Variants in FHIT observed in about 807,000 individuals in gnomAD.
FHIT encodes the protein bis(5'-adenosyl)-triphosphatase.
A neutral mutation model predicts 17.9 loss-of-function variants in FHIT; 19 were observed. That is an observed-to-expected ratio of 1.06 (90% CI 0.74 to 1.56). FHIT has a LOEUF of 1.56. Among genes scored for constraint, FHIT ranks in the 40% most tolerant of loss-of-function variants. The probability of loss-of-function intolerance (pLI) is 0.00; values close to 1 mark genes in which losing one functional copy is unlikely to be tolerated. For missense variants in FHIT, 248 were observed against 189.2 expected (o/e 1.31, Z -1.82); for synonymous variants, 81 against 69.7 (o/e 1.16, Z -0.81).
intron 4 of FHIT, among the ~76,000 whole-genome samples, chr3:60,595,322 C>T (rs902077604): frequency 6.6e-6 from 1 of 150,636 alleles, no homozygotes; most frequent in Non-Finnish European, 1.5e-5. Flanking sequence ...AGCGAAACAT[C>T]AGTAGGCAGA....
chr3:60,926,816 A>G (rs1553770078), intron 3 of FHIT, among the ~76,000 whole-genome samples: 1 of 152,228 alleles, frequency 6.6e-6, no homozygotes, highest in African/African-American at 2.4e-5. Context: ...AGCAAGACTA[A>G]TAAAGAAGAA....
At chr3:60,814,803 G>A (rs189468022) in intron 4 of FHIT, among the ~76,000 whole-genome samples, 56 of 151,972 alleles carry the variant, frequency 3.7e-4, no homozygotes, top group East Asian at 9.7e-4. Flanking sequence ...CACAGTGGCC[G>A]AACTAATTTA....
intron 5 of FHIT, among the ~76,000 whole-genome samples, chr3:60,195,230 T>C (rs1341705965): frequency 6.6e-6 from 1 of 151,900 alleles, no homozygotes; most frequent in Non-Finnish European, 1.5e-5. Flanking sequence ...CCCTCCAGAA[T>C]GGTCATTATT....
At chr3:60,090,319 G>A (rs1703676874) in intron 5 of FHIT, among the ~76,000 whole-genome samples, 2 of 152,132 alleles carry the variant, frequency 1.3e-5, no homozygotes, top group Admixed American at 6.5e-5. Context: ...CCCATCACTG[G>A]AGAAATTACT....
intron 4 of FHIT, among the ~76,000 whole-genome samples, chr3:60,616,140 T>C (rs1553675806): frequency 6.6e-6 from 1 of 152,224 alleles, no homozygotes; most frequent in African/African-American, 2.4e-5. Flanking sequence ...TCTGTGCATG[T>C]TGAGTCCAAC....
At chr3:59,937,682 C>T (rs1013292246) in intron 7 of FHIT, among the ~76,000 whole-genome samples, 1 of 152,142 alleles carries the variant, frequency 6.6e-6, no homozygotes, top group African/African-American at 2.4e-5. Flanking sequence ...ACTACAAAAT[C>T]TTTCAAAGGA....
chr3:60,052,199 A>G lies in FHIT; in HGVS notation c.104-38047T>C, dbSNP rs562928996. Among the ~76,000 whole-genome samples the G allele has an allele frequency of 3.8e-4, 58 of 152,252 alleles. 1 individual carries two copies. The highest frequency in any genetic ancestry group is 1.3e-3 in the African/African-American group (56 of 41,546). On this transcript the variant is annotated intron_variant, in intron 5 of 9. Transcript: ENST00000492590. ...TCTAGGGGTCACAGTCTATAATCCC[A>G]TAAGAACCAAGAACACCAGAAATAA...
intron 5 of FHIT, among the ~76,000 whole-genome samples, chr3:60,223,186 C>T (rs1177134042): frequency 6.6e-6 from 1 of 152,168 alleles, no homozygotes; most frequent in East Asian, 1.9e-4. Flanking sequence ...TGGAGGGCTC[C>T]TAACTTTTAC....
At position 59,899,926 on chromosome 3, in the gene FHIT, A is replaced by C. The variant is rs1000274863; in HGVS notation, c.348+22420T>G. Reference sequence around the variant, plus strand: ...CCAGGAGTTGGCAAACGTTTTCTATAAAGGTCCAGATACTAAATATTTTAG... The same window carrying C: ...CCAGGAGTTGGCAAACGTTTTCTATCAAGGTCCAGATACTAAATATTTTAG... On this transcript the variant is annotated intron_variant, in intron 8 of 9. Transcript: ENST00000492590. Among the ~76,000 whole-genome samples, 8 of 152,220 alleles carry C rather than the reference A, an allele frequency of 5.3e-5. No individual in the cohort carries two copies. In the South Asian group the frequency reaches 1.7e-3, roughly 32 times the overall value.
At chr3:60,625,231 T>A (rs114789250) in intron 4 of FHIT, among the ~76,000 whole-genome samples, 3,568 of 152,320 alleles carry the variant, frequency 0.023, 152 homozygotes, top group African/African-American at 0.081. Flanking sequence ...TTTAGCAAAT[T>A]TAATGTTGCT....
At chr3:60,063,695 C>G (rs212005) in intron 5 of FHIT, among the ~76,000 whole-genome samples, 5,967 of 152,254 alleles carry the variant, frequency 0.039, 172 homozygotes, top group South Asian at 0.093. Flanking sequence ...ATGGCAAATT[C>G]ACAAACCCTT....
At chr3:60,658,389 G>T (rs1258968404) in intron 4 of FHIT, among the ~76,000 whole-genome samples, 1 of 151,872 alleles carries the variant, frequency 6.6e-6, no homozygotes, top group African/African-American at 2.4e-5. Flanking sequence ...GTCTTCTTGT[G>T]TGGTTAGTTT....
chr3:59,847,070 CA>C (rs1559657539), intron 8 of FHIT, among the ~76,000 whole-genome samples: 1 of 152,158 alleles, frequency 6.6e-6, no homozygotes, highest in African/African-American at 2.4e-5. Flanking sequence ...CTTTCAGGCT[CA>C]CCCTATTTGT....
At chr3:60,159,897 C>T (rs962160694) in intron 5 of FHIT, among the ~76,000 whole-genome samples, 1 of 152,184 alleles carries the variant, frequency 6.6e-6, no homozygotes, top group Non-Finnish European at 1.5e-5. Context: ...AAACACTCCG[C>T]TCAATGCGTG....
intron 2 of FHIT, among the ~76,000 whole-genome samples, chr3:61,187,543 A>G (rs2038557337): frequency 6.6e-6 from 1 of 152,214 alleles, no homozygotes; most frequent in South Asian, 2.1e-4. Context: ...GTTAACAAGG[A>G]TATCCAGGAA....
intron 5 of FHIT, among the ~76,000 whole-genome samples, chr3:60,244,298 T>C (rs1237840809): frequency 6.6e-6 from 1 of 151,946 alleles, no homozygotes; most frequent in Non-Finnish European, 1.5e-5. Flanking sequence ...CATAAATGTA[T>C]GGGGGGAGGG....
In FHIT at chr3:60,518,486, A is replaced by G. The variant is rs142927837; in HGVS notation, c.103+18374T>C. Among the ~76,000 whole-genome samples the G allele has an allele frequency of 5.9e-3, 899 of 152,332 alleles. 12 individuals carry two copies. The highest frequency in any genetic ancestry group is 0.021 in the African/African-American group (857 of 41,574). On this transcript the variant is annotated intron_variant, in intron 5 of 9. Coordinates refer to ENST00000492590, the MANE Select transcript of FHIT (RefSeq NM_002012.4). ...AAAAACCTAATTCTTGAAGTTTATG[A>G]GATGTGTACCCCCATGCAGTGCTAG... is the stretch of plus-strand genomic sequence containing the variant.
At chr3:60,107,952 G>A (rs915425338) in intron 5 of FHIT, among the ~76,000 whole-genome samples, 21 of 152,150 alleles carry the variant, frequency 1.4e-4, no homozygotes, top group African/African-American at 5.1e-4. Context: ...CATTTAATTT[G>A]AAACAAAGAA....
chr3:60,111,163 G>C (rs1704653282), intron 5 of FHIT, among the ~76,000 whole-genome samples: 1 of 152,142 alleles, frequency 6.6e-6, no homozygotes, highest in African/African-American at 2.4e-5. Flanking sequence ...ACTAAAGAAT[G>C]TCACCGCATA....
Sources: gnomAD v4.1 joint callset for allele counts (sites outside exome capture counted in the v4.1 genomes callset) on GRCh38, gnomAD v4.1.1 for gene constraint, MANE v1.5 for transcripts, NCBI Gene and HGNC (gene_info 2026-07-23, HGNC 2026-07-21) for gene names.